Variants in NFAT5 observed in about 807,000 individuals in gnomAD.
NFAT5 encodes nuclear factor of activated T-cells 5.
Under a neutral mutation model 166.5 loss-of-function variants are expected in NFAT5, and 31 were observed. That is an observed-to-expected ratio of 0.19 (90% CI 0.14 to 0.25). The LOEUF (loss-of-function observed/expected upper bound fraction) is 0.25, where lower values mean the gene tolerates loss of function less well. Ranked by LOEUF, NFAT5 falls within the 10% of genes least tolerant of loss-of-function variation. The pLI, the probability that NFAT5 is intolerant of heterozygous loss-of-function variation, is 1.00. For missense variants in NFAT5, 1,449 were observed against 1,821.8 expected (o/e 0.80, Z 3.72); for synonymous variants, 612 against 639.7 (o/e 0.96, Z 0.65).
rs1441470386 is a variant in NFAT5 at position 69,672,619 on chromosome 16, GA to G, written c.1557+2338del. Among the ~76,000 whole-genome samples the G allele has an allele frequency of 8.5e-5, 13 of 152,142 alleles. No individual in the cohort carries two copies. In the South Asian group the frequency reaches 2.5e-3, roughly 29 times the overall value. ...ATTAGTTCATTTTATTCACCTTGAA[GA>G]AAAAAATGGGTGACTGTGTGGTCTA... On this transcript the variant is annotated intron_variant, in intron 9 of 14. Transcript: ENST00000349945.
At chr16:69,572,653 A>T (rs1416816939) in intron 2 of NFAT5, among the ~76,000 whole-genome samples, 6 of 152,148 alleles carry the variant, frequency 3.9e-5, no homozygotes. Context: ...GAAATATAAG[A>T]TTATAGAAAA....
In NFAT5 at chr16:69,566,255, C is replaced by T. The variant is rs1383797612; in HGVS notation, c.-47C>T. On this transcript the variant is annotated 5_prime_UTR_variant, in exon 1 of 15. Coordinates refer to ENST00000349945, the MANE Select transcript of NFAT5 (RefSeq NM_138713.4). This position sits in a 1 kb window ranked among gnomAD's most constrained non-coding sequence, Gnocchi z 5.7. Reference sequence around the variant, plus strand: ...GGAGAGGAGGTGCCGCCGCCACCGCCGCTCCCCCCCTCCCGCTGCCCTCGG... The same window carrying T: ...GGAGAGGAGGTGCCGCCGCCACCGCTGCTCCCCCCCTCCCGCTGCCCTCGG... 4 of 1,560,456 alleles carry T rather than the reference C, an allele frequency of 2.6e-6. No homozygotes were observed. The highest frequency in any genetic ancestry group is 1.9e-5 in the Admixed American group (1 of 53,024).
chr16:69,657,052 GT>G (rs2035910871), intron 6 of NFAT5, among the ~76,000 whole-genome samples: 1 of 152,042 alleles, frequency 6.6e-6, no homozygotes, highest in Admixed American at 6.6e-5. Context: ...ACTTTACTTG[GT>G]TTTCAGTTTT....
chr16:69,640,275 C>A (rs760139641), intron 3 of NFAT5, among the ~76,000 whole-genome samples: 1 of 152,208 alleles, frequency 6.6e-6, no homozygotes, highest in Non-Finnish European at 1.5e-5. Context: ...CGTTTTCAGA[C>A]TTCTTCATAA....
Position 69,625,775 on chromosome 16 carries a change from A to G in NFAT5, c.128-628A>G, listed in dbSNP as rs185306949. ...ATACTATTGCAAAGGAAGATACTGG[A>G]CCATCTTGGGTTATTTGGCATTTCT... On this transcript the variant is annotated intron_variant, in intron 2 of 14. Coordinates refer to ENST00000349945, the MANE Select transcript of NFAT5 (RefSeq NM_138713.4). 2.0e-5 allele frequency among the ~76,000 whole-genome samples: 3 copies of G among 152,084 alleles called. No homozygotes were observed. The East Asian group carries it at 5.8e-4, about 29-fold the overall frequency.
chr16:69,648,193 C>CA (rs146719802), intron 4 of NFAT5: 85,350 of 690,958 alleles, frequency 0.12, 1,008 homozygotes, highest in South Asian at 0.13. Context: ...AAAAAAACAC[C>CA]AAAAAAAAAA....
chr16:69,692,869 CAAA>C lies in NFAT5; in HGVS notation c.3046_3048del (p.Lys1016del), dbSNP rs776838710. The C allele has an allele frequency of 7.4e-6, 12 of 1,614,076 alleles. No individual in the cohort carries two copies. Among genetic ancestry groups the C allele is most frequent in the Non-Finnish European group, 9.3e-6 (11 of 1,180,048 alleles). On this transcript the variant is annotated inframe_deletion, in exon 13 of 15. Transcript: ENST00000349945. ...GATGGAGAAGAAACTGGAACACAAG[CAAA>C]ACAGATTCAGAACAGTGTCTTTCAG...
chr16:69,626,564 G>A (rs1435602148), intron 3 of NFAT5, 36 bp downstream of exon 3: 5 of 1,478,398 alleles, frequency 3.4e-6, no homozygotes, highest in Non-Finnish European at 4.5e-6. Context: ...AAGAAAACTA[G>A]GGCCAATATA....
chr16:69,626,252 G>A, intron 2 of NFAT5, 151 bp from the exon 3 acceptor site: 1 of 599,804 alleles, frequency 1.7e-6, no homozygotes, highest in Non-Finnish European at 2.5e-6. Flanking sequence ...GTGCTCAGCT[G>A]CTAATAGCTC....
At chr16:69,611,216 A>G (rs1316273317) in intron 2 of NFAT5, among the ~76,000 whole-genome samples, 3 of 152,210 alleles carry the variant, frequency 2.0e-5, no homozygotes, top group Admixed American at 6.5e-5. Context: ...AGGAATGATT[A>G]TTAAATATAT....
chr16:69,601,031 CTT>C (rs2033103095), intron 2 of NFAT5, among the ~76,000 whole-genome samples: 1 of 152,078 alleles, frequency 6.6e-6, no homozygotes, highest in South Asian at 2.1e-4. Context: ...GGTCTTTTCT[CTT>C]TTAATTTTGT....
At chr16:69,617,414 TATAATC>T (rs2034003987) in intron 2 of NFAT5, among the ~76,000 whole-genome samples, 1 of 152,120 alleles carries the variant, frequency 6.6e-6, no homozygotes, top group South Asian at 2.1e-4. Flanking sequence ...AAATTTAAAA[TATAATC>T]AGAATAGTTA....
chr16:69,646,992 T>C (rs776836487), intron 3 of NFAT5, 36 bp from the exon 4 acceptor site: 2 of 1,486,492 alleles, frequency 1.3e-6, no homozygotes, highest in Admixed American at 2.2e-5. Flanking sequence ...GGTGAAAACA[T>C]GTATAGTGTA....
At chr16:69,662,099 G>A (rs2151651172) in intron 7 of NFAT5, among the ~76,000 whole-genome samples, 1 of 152,130 alleles carries the variant, frequency 6.6e-6, no homozygotes, top group South Asian at 2.1e-4. Flanking sequence ...GCTTCCAATT[G>A]TATTATAAAG....
chr16:69,579,494 A>G (rs2031526975), intron 2 of NFAT5, among the ~76,000 whole-genome samples: 1 of 152,148 alleles, frequency 6.6e-6, no homozygotes, highest in Non-Finnish European at 1.5e-5. Flanking sequence ...TAGTTGAAAG[A>G]CAGAATGTCA....
At chr16:69,583,934 A>G (rs1232888632) in intron 2 of NFAT5, among the ~76,000 whole-genome samples, 4 of 152,100 alleles carry the variant, frequency 2.6e-5, no homozygotes, top group Non-Finnish European at 4.4e-5. Context: ...TAGGCCTTTA[A>G]AGAGTTGGGG....
intron 3 of NFAT5, among the ~76,000 whole-genome samples, chr16:69,629,971 C>G (rs1355180303): frequency 6.6e-6 from 1 of 150,974 alleles, no homozygotes; most frequent in Admixed American, 6.6e-5. Context: ...GAGTCTCACT[C>G]TGTCGCCCAG....
Position 69,701,292 on chromosome 16 carries a change from C to A in NFAT5, c.*4941C>A, listed in dbSNP as rs1275981580. 2.6e-5 allele frequency: 4 copies of A among 152,340 alleles called. No individual in the cohort carries two copies. Among genetic ancestry groups the A allele is most frequent in the African/African-American group, 9.7e-5 (4 of 41,372 alleles). 9.4% of individuals were successfully genotyped at this position (152,340 alleles called of 1,614,324 possible). A position where few individuals can be genotyped will look rare whatever the true frequency, so the allele number is the denominator to read the frequency against. On this transcript the variant is annotated 3_prime_UTR_variant, in exon 15 of 15. Transcript: ENST00000349945. The stretch of plus-strand genomic sequence containing the variant: ...CCCATTTATTTTTATGCCATTCTAG[C>A]CTCATTTATTAATAAAATTATGTTT...
intron 3 of NFAT5, among the ~76,000 whole-genome samples, chr16:69,638,951 G>A (rs1223051483): frequency 6.6e-6 from 1 of 151,774 alleles, no homozygotes; most frequent in Non-Finnish European, 1.5e-5. Context: ...GTTTGTCTCT[G>A]TCTCTCTCTC....
Sources: allele counts gnomAD v4.1 joint callset (sites outside exome capture counted in the v4.1 genomes callset), GRCh38; gene constraint gnomAD v4.1.1; non-coding constraint Gnocchi (gnomAD v3.1); transcripts MANE v1.5; gene names NCBI Gene and HGNC (gene_info 2026-07-23, HGNC 2026-07-21).